Variants in CNTNAP3B observed in about 807,000 individuals in gnomAD.
CNTNAP3B encodes contactin associated protein family member 3B, also known as contactin-associated protein-like 3B.
In CNTNAP3B, 25 loss-of-function variants were observed where a neutral mutation model predicts 108.9. That is an observed-to-expected ratio of 0.23 (90% confidence interval 0.17 to 0.32). The LOEUF is 0.32. Ranked by LOEUF, CNTNAP3B falls within the 10% of genes least tolerant of loss-of-function variation. CNTNAP3B has a pLI of 1.00. For synonymous variants in CNTNAP3B, 103 were observed against 473.4 expected (o/e 0.22, Z 10.16); for missense variants, 252 against 1,210.4 (o/e 0.21, Z 11.75).
intron 14 of CNTNAP3B, among the ~76,000 whole-genome samples, chr9:41,935,457 A>T (rs1193961146): frequency 6.6e-6 from 1 of 152,294 alleles, no homozygotes; most frequent in Non-Finnish European, 1.5e-5. Flanking sequence ...ATAGAAAATA[A>T]GTAATAAAGA....
In CNTNAP3B at chr9:42,027,671, GTC is replaced by G; in HGVS notation, c.391-14148_391-14147del. ...TTGGTGGGGGTTTTTGACTTTAAAT[GTC>G]TCTCATTCGTTCTGAATGTAATAAT... is the stretch of plus-strand genomic sequence containing the variant. On this transcript the variant is annotated intron_variant, in intron 3 of 23. Transcript: ENST00000377561. Among the ~76,000 whole-genome samples, 2 of 107,780 alleles carry G rather than the reference GTC, an allele frequency of 1.9e-5. 1 individual carries two copies. Among genetic ancestry groups the G allele is most frequent in the Non-Finnish European group, 3.7e-5 (2 of 54,000 alleles). 70.7% of individuals were successfully genotyped at this position (107,780 alleles called of 152,430 possible).
chr9:41,942,272 G>A (rs78285644), intron 13 of CNTNAP3B, among the ~76,000 whole-genome samples: 1,890 of 140,234 alleles, frequency 0.013, 3 homozygotes, highest in Non-Finnish European at 0.02. Context: ...TCAGGAGATC[G>A]AGACCATCCT....
intron 13 of CNTNAP3B, among the ~76,000 whole-genome samples, chr9:41,938,914 G>A (rs995753575): frequency 1.3e-5 from 2 of 152,198 alleles, no homozygotes; most frequent in Admixed American, 6.5e-5. Flanking sequence ...TATTGCATTG[G>A]ATGTCCTGAC....
At chr9:41,962,708 C>T (rs866952437) in intron 11 of CNTNAP3B, among the ~76,000 whole-genome samples, 4 of 146,496 alleles carry the variant, frequency 2.7e-5, no homozygotes, top group Non-Finnish European at 4.5e-5. Flanking sequence ...GTAATCCCAG[C>T]GCTTCGGGAG....
At chr9:42,062,921 T>C (rs1218811028) in intron 3 of CNTNAP3B, among the ~76,000 whole-genome samples, 4 of 97,196 alleles carry the variant, frequency 4.1e-5, no homozygotes, top group East Asian at 5.9e-4. Context: ...CACACAAAAA[T>C]TCAACATTTT....
intron 1 of CNTNAP3B, among the ~76,000 whole-genome samples, chr9:42,110,441 C>T (rs56270158): frequency 0.19 from 24,937 of 133,000 alleles, 4,452 homozygotes; most frequent in Middle Eastern, 0.33. Context: ...TAACCAGCTT[C>T]GAATTATCAG....
At chr9:41,967,569 A>G (rs1260336479) in intron 10 of CNTNAP3B, among the ~76,000 whole-genome samples, 1 of 152,302 alleles carries the variant, frequency 6.6e-6, no homozygotes, top group African/African-American at 2.4e-5. Context: ...CAACAAAGAA[A>G]GGCTGATAGA....
intron 14 of CNTNAP3B, among the ~76,000 whole-genome samples, chr9:41,937,441 A>C (rs1824193260): frequency 6.6e-6 from 1 of 150,998 alleles, no homozygotes; most frequent in South Asian, 2.1e-4. Context: ...TTTTTTTTTA[A>C]AGCACGTACT....
intron 1 of CNTNAP3B, among the ~76,000 whole-genome samples, chr9:42,128,324 A>G (rs1828615285): frequency 7.2e-6 from 1 of 138,956 alleles, no homozygotes; most frequent in Non-Finnish European, 1.5e-5. Flanking sequence ...AAAACAGGGA[A>G]CCCGATGGCA....
chr9:41,959,234 C>CT, intron 12 of CNTNAP3B, among the ~76,000 whole-genome samples: 1 of 150,756 alleles, frequency 6.6e-6, no homozygotes, highest in Non-Finnish European at 1.5e-5. Flanking sequence ...GAAGCAACTG[C>CT]TTTTTGAAGG....
At chr9:41,954,697 T>G (rs1282719196) in intron 12 of CNTNAP3B, among the ~76,000 whole-genome samples, 1 of 152,256 alleles carries the variant, frequency 6.6e-6, no homozygotes, top group Admixed American at 6.5e-5. Context: ...ACTTATTTAT[T>G]TTTGAGATAA....
At chr9:42,078,168 C>G (rs1587253689) in intron 2 of CNTNAP3B, among the ~76,000 whole-genome samples, 1 of 95,826 alleles carries the variant, frequency 1.0e-5, no homozygotes, top group South Asian at 3.4e-4. Flanking sequence ...GTCTTTAGTA[C>G]TTCACTACAT....
chr9:42,014,817 C>T (rs372456538), intron 3 of CNTNAP3B, among the ~76,000 whole-genome samples: 13,998 of 55,166 alleles, frequency 0.25, 2,055 homozygotes, highest in Non-Finnish European at 0.31. Flanking sequence ...AAAGAATGTA[C>T]CAGGCTTAAC....
At chr9:42,109,551 CTT>C (rs1425694368) in intron 1 of CNTNAP3B, among the ~76,000 whole-genome samples, 4 of 146,044 alleles carry the variant, frequency 2.7e-5, no homozygotes, top group African/African-American at 7.9e-5. Flanking sequence ...TGGGGAGGAG[CTT>C]TACATTCAAA....
rs561283958 is a variant in CNTNAP3B, at chr9:42,094,433, C to G, written c.196+10196G>C. 1.5e-3 allele frequency among the ~76,000 whole-genome samples: 197 copies of G among 128,064 alleles called. 28 individuals carry two copies. Among genetic ancestry groups the G allele is most frequent in the African/African-American group, 6.0e-3 (190 of 31,464 alleles). The allele number at this position is 128,064 out of a possible 152,430, so 84.0% of individuals were successfully genotyped here. ...ATTTTGGGAAGCTGAGGTGGCTGGA[C>G]TGCTTGAGCCCAGGAATTCAAGACC... On this transcript the variant is annotated intron_variant, in intron 2 of 23. Coordinates refer to ENST00000377561, the MANE Select transcript of CNTNAP3B (RefSeq NM_001201380.3).
At chr9:41,941,528 C>G (rs1357908899) in intron 13 of CNTNAP3B, among the ~76,000 whole-genome samples, 2 of 148,134 alleles carry the variant, frequency 1.4e-5, no homozygotes, top group Non-Finnish European at 3.0e-5. Flanking sequence ...AAAAATGAGG[C>G]AAAAATTGAG....
chr9:41,935,524 TTTTCA>T (rs1358315938), intron 14 of CNTNAP3B, among the ~76,000 whole-genome samples: 2 of 152,294 alleles, frequency 1.3e-5, no homozygotes, highest in Non-Finnish European at 2.9e-5. Flanking sequence ...ATTATAAATC[TTTTCA>T]TTTCATGAGA....
chr9:42,110,181 A>G (rs1261051525), intron 1 of CNTNAP3B, among the ~76,000 whole-genome samples: 2 of 130,186 alleles, frequency 1.5e-5, no homozygotes, highest in Non-Finnish European at 3.2e-5. Flanking sequence ...CATATTGGAT[A>G]TTTTAGGGCA....
chr9:41,913,697 G>T (rs1192195894), intron 18 of CNTNAP3B, among the ~76,000 whole-genome samples: 2 of 135,416 alleles, frequency 1.5e-5, no homozygotes, highest in Non-Finnish European at 3.1e-5. Flanking sequence ...CTCAGCTGCT[G>T]GTATCCTTGA....
Sources: allele counts gnomAD v4.1 joint callset (sites outside exome capture counted in the v4.1 genomes callset), GRCh38; gene constraint gnomAD v4.1.1; transcripts MANE v1.5; gene names NCBI Gene and HGNC (gene_info 2026-07-23, HGNC 2026-07-21).